ARHGAP22: variants seen among roughly 807,000 people sequenced by gnomAD.
The protein encoded by ARHGAP22 is Rho GTPase activating protein 22.
In ARHGAP22, 48 loss-of-function variants were observed where a neutral mutation model predicts 59.1. The ratio of observed to expected loss-of-function variants is 0.81; its 90% CI spans 0.64 to 1.03. ARHGAP22 has a LOEUF of 1.03. Among genes scored for constraint, ARHGAP22 ranks in the 50% least tolerant of loss-of-function variants. The pLI, the probability that ARHGAP22 is intolerant of heterozygous loss-of-function variation, is 0.00. For missense variants in ARHGAP22, 1,015 were observed against 958.7 expected (o/e 1.06, Z -0.78); for synonymous variants, 445 against 416.4 (o/e 1.07, Z -0.84).
chr10:48,509,176 A>G (rs1404766128), intron 3 of ARHGAP22, among the ~76,000 whole-genome samples: 1 of 152,244 alleles, frequency 6.6e-6, no homozygotes, highest in Non-Finnish European at 1.5e-5. Context: ...TGAGAAGGGC[A>G]GTGGTCTCAC....
chr10:48,622,463 G>C (rs1036711198), intron 1 of ARHGAP22, among the ~76,000 whole-genome samples: 1 of 151,822 alleles, frequency 6.6e-6, no homozygotes, highest in Non-Finnish European at 1.5e-5. Context: ...TATGTTTATG[G>C]GGTACAGTAA....
chr10:48,594,375 C>T (rs548471523), intron 1 of ARHGAP22, among the ~76,000 whole-genome samples: 5 of 152,352 alleles, frequency 3.3e-5, no homozygotes, highest in South Asian at 2.1e-4. Flanking sequence ...TCCTCCACCC[C>T]GTCTCTCTCT....
chr10:48,461,965 C>T (rs2047174662), intron 4 of ARHGAP22, among the ~76,000 whole-genome samples: 1 of 152,208 alleles, frequency 6.6e-6, no homozygotes, highest in Non-Finnish European at 1.5e-5. Flanking sequence ...GTGCCTGGCA[C>T]AGAGCAGAAC....
chr10:48,582,227 AG>A (rs1248828647), intron 2 of ARHGAP22, among the ~76,000 whole-genome samples: 2 of 152,188 alleles, frequency 1.3e-5, no homozygotes, highest in African/African-American at 4.8e-5. Context: ...GACTAGAAGC[AG>A]CTTTTCGGAC....
At chr10:48,579,205 T>C (rs1447469958) in intron 2 of ARHGAP22, among the ~76,000 whole-genome samples, 1 of 152,230 alleles carries the variant, frequency 6.6e-6, no homozygotes, top group African/African-American at 2.4e-5. Flanking sequence ...ACTTTCCATG[T>C]CTATTTTGTT....
At chr10:48,470,985 C>A (rs555164966) in intron 4 of ARHGAP22, among the ~76,000 whole-genome samples, 2 of 152,300 alleles carry the variant, frequency 1.3e-5, no homozygotes, top group Non-Finnish European at 2.9e-5. Context: ...GATGTCATTC[C>A]ATCAAATGAT....
rs1456596251 is a variant in ARHGAP22 at position 48,450,628 on chromosome 10, C to A, written c.1501G>T (p.Val501Phe). The A allele has an allele frequency of 1.3e-6, 2 of 1,549,360 alleles. No homozygotes were observed. Among genetic ancestry groups the A allele is most frequent in the Non-Finnish European group, 1.7e-6 (2 of 1,146,898 alleles). ...CTGGCCACGCTGGGTATGCCGGGGA[C>A]CAGGCCCGGCGCGGGCACATTGTCG... Reference protein sequence around the residue: ...TYDNVPAPGLVPGIPSVASMA... With the variant: ...TYDNVPAPGLFPGIPSVASMA... Residue 501 changes from valine to phenylalanine, a missense_variant, in exon 9 of 10, where the codon GTC becomes TTC. Coordinates refer to ENST00000249601, the MANE Select transcript of ARHGAP22 (RefSeq NM_021226.4).
At chr10:48,461,670 C>T (rs564285323) in intron 4 of ARHGAP22, among the ~76,000 whole-genome samples, 8 of 152,316 alleles carry the variant, frequency 5.3e-5, no homozygotes, top group Middle Eastern at 3.4e-3. Context: ...GTCTACACCA[C>T]GGCACAGTAA....
In ARHGAP22 at chr10:48,583,141, T is replaced by A. The variant is rs1182008049; in HGVS notation, c.46A>T (p.Ser16Cys). The change falls in exon 2 of 10, where the codon AGC becomes TGC. Residue 16 changes from serine to cysteine, a missense_variant. Physicochemically the swap from Ser to Cys is moderately radical, Grantham distance 112. Transcript: ENST00000249601. ...CGGCTCTGCTCCCCCATCACTAGGC[T>A]TTTGGAGCGGGCTGAAAGCCAAGGA... ...IRQARRARSK[S>C]LVMGEQSRSP... 2 of 1,613,968 alleles carry A rather than the reference T, an allele frequency of 1.2e-6. No individual in the cohort carries two copies. The highest frequency in any genetic ancestry group is 3.3e-5 in the Admixed American group (2 of 60,014).
chr10:48,642,611 G>T lies in ARHGAP22; in HGVS notation c.52+9623C>A, dbSNP rs9732742. ...TTCAAGATGGGTTAAAGACTTAAAT[G>T]TTAGACCTAAAACCATAAAAACCCT... On this transcript the variant is annotated intron_variant, in intron 1 of 9. Transcript: ENST00000435790. Among the ~76,000 whole-genome samples, 1,457 of 152,274 alleles carry T rather than the reference G, an allele frequency of 9.6e-3. 32 individuals are homozygous for T. The highest frequency in any genetic ancestry group is 0.034 in the African/African-American group (1,397 of 41,542).
intron 1 of ARHGAP22, among the ~76,000 whole-genome samples, chr10:48,590,172 T>C (rs988693737): frequency 1.3e-5 from 2 of 151,766 alleles, no homozygotes; most frequent in African/African-American, 4.8e-5. Context: ...CCTAGAGAAC[T>C]CTTTCAGGAA....
the ARHGAP22 span, chr10:48,437,667 A>G: frequency 6.6e-6 from 1 of 152,178 alleles, no homozygotes; most frequent in African/African-American, 2.4e-5. Flanking sequence ...ACTCTGTCAT[A>G]GTGTTTGCTG....
At chr10:48,451,958 C>T (rs11101325) in intron 8 of ARHGAP22, among the ~76,000 whole-genome samples, 75,604 of 146,734 alleles carry the variant, frequency 0.52, 19,971 homozygotes, top group Middle Eastern at 0.76. Context: ...GCCCAAAATC[C>T]GCCACACACA....
intron 3 of ARHGAP22, among the ~76,000 whole-genome samples, chr10:48,512,766 C>G (rs1324505104): frequency 1.3e-5 from 2 of 152,206 alleles, no homozygotes; most frequent in Non-Finnish European, 2.9e-5. Flanking sequence ...CAGCCCAGCT[C>G]CAAGCTTCCA....
chr10:48,609,326 C>A (rs1185487712), upstream of ARHGAP22, among the ~76,000 whole-genome samples: 4 of 152,176 alleles, frequency 2.6e-5, no homozygotes, highest in African/African-American at 7.2e-5. Flanking sequence ...TGCATCCTGG[C>A]CATTATACAT....
rs752576204 is a variant in ARHGAP22 at position 48,450,247 on chromosome 10, G to C, written c.1868+14C>G. The C allele has an allele frequency of 2.2e-5, 36 of 1,606,386 alleles. No individual in the cohort carries two copies. The highest frequency in any genetic ancestry group is 1.3e-4 in the South Asian group (12 of 89,656). ...CCGCCCCGTCACAGGAGGCTCCACGGGGCAGCAAGTTACCTTTTCACACTC... is the reference window on the plus strand; with the variant it reads ...CCGCCCCGTCACAGGAGGCTCCACGCGGCAGCAAGTTACCTTTTCACACTC... On this transcript the variant is annotated intron_variant, in intron 9 of 9. Transcript: ENST00000249601.
intron 1 of ARHGAP22, among the ~76,000 whole-genome samples, chr10:48,619,302 T>G (rs528745375): frequency 6.6e-6 from 1 of 152,254 alleles, no homozygotes; most frequent in Admixed American, 6.5e-5. Flanking sequence ...GAAATCTCTG[T>G]AAAATACCAA....
intron 3 of ARHGAP22, among the ~76,000 whole-genome samples, chr10:48,482,308 T>C (rs1445157): frequency 0.95 from 145,225 of 152,316 alleles, 69,617 homozygotes; most frequent in East Asian, 1. Context: ...GTTCATTCTT[T>C]TGCATATGCA....
chr10:48,555,336 C>CGAGTCAT (rs2057223649), intron 3 of ARHGAP22, 127 bp downstream of exon 3: 15 of 854,698 alleles, frequency 1.8e-5, no homozygotes, highest in Non-Finnish European at 2.8e-5. Flanking sequence ...CCCACATTTC[C>CGAGTCAT]GAGTCATGCC....
Sources: allele counts gnomAD v4.1 joint callset (sites outside exome capture counted in the v4.1 genomes callset), GRCh38; gene constraint gnomAD v4.1.1; transcripts MANE v1.5; gene names NCBI Gene and HGNC (gene_info 2026-07-23, HGNC 2026-07-21).